The following SHROOM3 variants were observed in gnomAD, a reference collection of about 807,000 sequenced individuals.
The protein encoded by SHROOM3 is shroom family member 3, also known as protein Shroom3.
SHROOM3 carries 47 observed loss-of-function variants against 138.6 expected under a neutral mutation model. The observed-to-expected ratio is 0.34, with a 90% CI of 0.27 to 0.43. The LOEUF is 0.43. SHROOM3 is among the 20% of genes least tolerant of loss of function. The pLI, the probability that SHROOM3 is intolerant of heterozygous loss-of-function variation, is 1.00. For synonymous variants in SHROOM3, 1,062 were observed against 1,063.3 expected (o/e 1.00, Z 0.02); for missense variants, 2,491 against 2,596.5 (o/e 0.96, Z 0.88).
At chr4:76,583,524 G>T (rs930962685) in intron 2 of SHROOM3, among the ~76,000 whole-genome samples, 1 of 152,140 alleles carries the variant, frequency 6.6e-6, no homozygotes, top group Non-Finnish European at 1.5e-5. Flanking sequence ...GAAAACTGAC[G>T]CTTGGAAAAG....
intron 10 of SHROOM3, 46 bp downstream of exon 10, chr4:76,770,944 C>T (rs976662478): frequency 4.3e-6 from 7 of 1,611,662 alleles, no homozygotes; most frequent in Non-Finnish European, 5.1e-6. Context: ...CCTCAAAGCC[C>T]ACATACATAG....
At position 76,755,073 on chromosome 4, in the gene SHROOM3, A is replaced by ACCT. The variant is rs759042601; in HGVS notation, c.4596_4598dup (p.Pro1534dup). The ACCT allele has an allele frequency of 1.5e-5, 18 of 1,219,350 alleles. No individual in the cohort carries two copies. The African/African-American group carries it at 3.4e-4, about 23-fold the overall frequency. The allele number at this position is 1,219,350 out of a possible 1,614,324, so 75.5% of individuals were successfully genotyped here. ...CATTTGAACCTCTTCCCCCACCCCC[A>ACCT]CCTCCTCCACCGAGTCAGGAAACCC... On this transcript the variant is annotated inframe_insertion, in exon 7 of 11. Coordinates refer to ENST00000296043, the MANE Select transcript of SHROOM3 (RefSeq NM_020859.4).
intron 4 of SHROOM3, among the ~76,000 whole-genome samples, chr4:76,735,831 C>CTCTA (rs1469240975): frequency 3.5e-4 from 36 of 102,740 alleles, no homozygotes; most frequent in Non-Finnish European, 4.7e-4. Context: ...CAGACCGAGA[C>CTCTA]TCTATCTTAA....
At chr4:76,637,351 A>G (rs1488264915) in intron 2 of SHROOM3, among the ~76,000 whole-genome samples, 1 of 152,184 alleles carries the variant, frequency 6.6e-6, no homozygotes, top group Non-Finnish European at 1.5e-5. Context: ...TTCTAGGTCT[A>G]ATGAAAATGT....
chr4:76,697,942 A>T (rs1017137700), intron 2 of SHROOM3, among the ~76,000 whole-genome samples: 2 of 152,318 alleles, frequency 1.3e-5, no homozygotes, highest in South Asian at 4.1e-4. Context: ...AGTAACTAAG[A>T]GAAAGGAAAA....
chr4:76,775,170 A>G (rs1722509551), intron 10 of SHROOM3, among the ~76,000 whole-genome samples: 1 of 152,050 alleles, frequency 6.6e-6, no homozygotes, highest in South Asian at 2.1e-4. Flanking sequence ...TGCATCCTCA[A>G]TAGCTTAGCA....
intron 1 of SHROOM3, among the ~76,000 whole-genome samples, chr4:76,546,497 C>T (rs1733222542): frequency 6.6e-6 from 1 of 152,206 alleles, no homozygotes; most frequent in Admixed American, 6.5e-5. Context: ...AGAGAAGGAT[C>T]CTGGGAGGAA....
intron 1 of SHROOM3, among the ~76,000 whole-genome samples, chr4:76,505,530 C>T (rs1015474080): frequency 6.6e-6 from 1 of 151,470 alleles, no homozygotes; most frequent in East Asian, 1.9e-4. Context: ...ATGGATTCAA[C>T]CAACCACAAA....
At chr4:76,756,396 ACTCTCTCTTT>A (rs1463292855) in intron 7 of SHROOM3, 43 bp from the exon 8 acceptor site, 1 of 1,326,046 alleles carries the variant, frequency 7.5e-7, no homozygotes, top group African/African-American at 1.9e-5. Context: ...TTCTCTTATC[ACTCTCTCTTT>A]CTCTCTCTCT....
At chr4:76,613,983 A>C (rs557450251) in intron 2 of SHROOM3, among the ~76,000 whole-genome samples, 243 of 152,284 alleles carry the variant, frequency 1.6e-3, no homozygotes, top group Non-Finnish European at 2.7e-3. Flanking sequence ...AACACAAATG[A>C]ATGAAATGTT....
chr4:76,442,129 C>T (rs1388251649), intron 1 of SHROOM3, among the ~76,000 whole-genome samples: 1 of 152,246 alleles, frequency 6.6e-6, no homozygotes, highest in Non-Finnish European at 1.5e-5. Flanking sequence ...ATGGGTTTTA[C>T]TCATGCTGTA....
intron 2 of SHROOM3, among the ~76,000 whole-genome samples, chr4:76,557,708 A>T (rs1331707187): frequency 6.6e-6 from 1 of 152,214 alleles, no homozygotes; most frequent in East Asian, 1.9e-4. Flanking sequence ...TCAAATCATC[A>T]CATTGTACAC....
At chr4:76,642,226 G>A (rs1393926146) in intron 2 of SHROOM3, among the ~76,000 whole-genome samples, 1 of 152,158 alleles carries the variant, frequency 6.6e-6, no homozygotes, top group Admixed American at 6.5e-5. Flanking sequence ...CTCAGTGAGG[G>A]CAAGGACTCT....
intron 2 of SHROOM3, among the ~76,000 whole-genome samples, chr4:76,648,715 G>C (rs1294990544): frequency 2.0e-5 from 3 of 152,098 alleles, no homozygotes; most frequent in African/African-American, 7.2e-5. Context: ...GGCTTTCTTT[G>C]ATTAGAAACT....
chr4:76,482,504 G>C (rs567694814), intron 1 of SHROOM3, among the ~76,000 whole-genome samples: 1 of 151,414 alleles, frequency 6.6e-6, no homozygotes, highest in Non-Finnish European at 1.5e-5. Context: ...GGAAATAAGA[G>C]AGGACAAATG....
chr4:76,502,574 G>T (rs1025951878), intron 1 of SHROOM3, among the ~76,000 whole-genome samples: 2 of 152,170 alleles, frequency 1.3e-5, no homozygotes, highest in Non-Finnish European at 2.9e-5. Flanking sequence ...AGAATTGCTT[G>T]GTGTGTGGGG....
In SHROOM3 at chr4:76,755,044, C is replaced by T. The variant is rs1325570651; in HGVS notation, c.4561C>T (p.Pro1521Ser). 12 of 1,603,046 alleles carry T rather than the reference C, an allele frequency of 7.5e-6. No homozygotes were observed. The highest frequency in any genetic ancestry group is 1.3e-5 in the African/African-American group (1 of 74,674). ...RDPHPKATSS[P>S]TFEPLPPPPP... Reference sequence around the variant, plus strand: ...TCCGCACCCCAAGGCCACGTCCAGCCCCACATTTGAACCTCTTCCCCCACC... The same window carrying T: ...TCCGCACCCCAAGGCCACGTCCAGCTCCACATTTGAACCTCTTCCCCCACC... The change falls in exon 7 of 11, where the codon CCC (proline) becomes TCC (serine). Residue 1521 changes from proline to serine, a missense_variant. Pro to Ser is a moderately conservative substitution (Grantham distance 74). Coordinates refer to ENST00000296043, the MANE Select transcript of SHROOM3 (RefSeq NM_020859.4).
chr4:76,766,090 G>T (rs1259144845), intron 9 of SHROOM3, among the ~76,000 whole-genome samples: 2 of 152,200 alleles, frequency 1.3e-5, no homozygotes, highest in East Asian at 3.8e-4. Flanking sequence ...TCACGTACCA[G>T]CTGCATGGCC....
intron 2 of SHROOM3, among the ~76,000 whole-genome samples, chr4:76,591,249 T>C (rs558904093): frequency 2.6e-5 from 4 of 152,202 alleles, no homozygotes; most frequent in Non-Finnish European, 5.9e-5. Flanking sequence ...CAGAGCACAG[T>C]GCCTCATCTG....
Sources: allele counts gnomAD v4.1 joint callset (sites outside exome capture counted in the v4.1 genomes callset), GRCh38; gene constraint gnomAD v4.1.1; transcripts MANE v1.5; gene names NCBI Gene and HGNC (gene_info 2026-07-23, HGNC 2026-07-21).